IL1RAPL2: variants seen among roughly 807,000 people sequenced by gnomAD.
IL1RAPL2 encodes X-linked interleukin-1 receptor accessory protein-like 2.
In IL1RAPL2, 3 loss-of-function variants were observed where a neutral mutation model predicts 44.1. The ratio of observed to expected loss-of-function variants is 0.07; its 90% CI spans 0.03 to 0.18. IL1RAPL2 has a LOEUF of 0.18. IL1RAPL2 is among the 10% of genes least tolerant of loss of function. The pLI, the probability that IL1RAPL2 is intolerant of heterozygous loss-of-function variation, is 1.00. For synonymous variants in IL1RAPL2, 181 were observed against 178.8 expected (o/e 1.01, Z -0.10); for missense variants, 391 against 496.4 (o/e 0.79, Z 2.02).
At chrX:105,325,082 A>T (rs891244223) in intron 5 of IL1RAPL2, among the ~76,000 whole-genome samples, 27 of 111,841 alleles carry the variant, frequency 2.4e-4, no homozygotes, top group African/African-American at 8.8e-4. Context: ...TCAAGTGTAC[A>T]GTTCAGTGGG....
At chrX:105,036,272 T>C (rs960260991) in intron 2 of IL1RAPL2, among the ~76,000 whole-genome samples, 1 of 112,059 alleles carries the variant, frequency 8.9e-6, no homozygotes, top group Non-Finnish European at 1.9e-5. Flanking sequence ...GGCCATATCC[T>C]GTCATTAAGA....
intron 5 of IL1RAPL2, among the ~76,000 whole-genome samples, chrX:105,477,297 C>T (rs953157539): frequency 1.3e-4 from 14 of 111,329 alleles, no homozygotes; most frequent in Non-Finnish European, 1.3e-4. Flanking sequence ...ATCTAAATTA[C>T]GGGACTCTCA....
Position 105,112,913 on chromosome X carries a change from A to AT in IL1RAPL2, c.83-82560dup, listed in dbSNP as rs763280458. On this transcript the variant is annotated intron_variant, in intron 2 of 10. Transcript: ENST00000372582. ...CATTGTTTTCCTCTAAAGGGATCAT[A>AT]TTATCAGTGAAAGACCCTATTGGTC... Among the ~76,000 whole-genome samples the AT allele has an allele frequency of 4.4e-5, 5 of 112,802 alleles. No individual in the cohort carries two copies. In the South Asian group the frequency reaches 1.1e-3, roughly 25 times the overall value.
intron 2 of IL1RAPL2, among the ~76,000 whole-genome samples, chrX:105,060,947 G>T (rs2032068383): frequency 9.1e-6 from 1 of 110,053 alleles, no homozygotes; most frequent in Non-Finnish European, 1.9e-5. Context: ...TTTTTTCTTA[G>T]TCTGATTAAA....
rs1208902847 is a variant in IL1RAPL2, at chrX:105,518,025, T to C, written c.772+33638T>C. ...GAGAAATGCACAAATAATGAATATC[T>C]GTTGAATGAATGAAATAATGAAGAA... On this transcript the variant is annotated intron_variant, in intron 6 of 10. Transcript: ENST00000372582. Among the ~76,000 whole-genome samples, 4 of 111,163 alleles carry C rather than the reference T, an allele frequency of 3.6e-5. No individual in the cohort carries two copies. In the East Asian group the frequency reaches 1.1e-3, roughly 31 times the overall value.
chrX:104,920,625 G>C (rs987519093), intron 2 of IL1RAPL2, among the ~76,000 whole-genome samples: 3 of 105,214 alleles, frequency 2.9e-5, no homozygotes, highest in African/African-American at 1.0e-4. Context: ...CTCCCTAGAT[G>C]CCTAGCAGAT....
intron 4 of IL1RAPL2, among the ~76,000 whole-genome samples, chrX:105,266,822 A>G (rs1357600000): frequency 9.0e-6 from 1 of 111,649 alleles, no homozygotes; most frequent in Non-Finnish European, 1.9e-5. Context: ...CTCTACCCCC[A>G]CATGGATTTC....
intron 6 of IL1RAPL2, among the ~76,000 whole-genome samples, chrX:105,569,583 A>G (rs2036999886): frequency 9.0e-6 from 1 of 111,637 alleles, no homozygotes; most frequent in South Asian, 3.7e-4. Context: ...ATGGAAGCAT[A>G]TTTCAAAATG....
intron 5 of IL1RAPL2, among the ~76,000 whole-genome samples, chrX:105,419,158 C>T (rs1392100322): frequency 8.9e-6 from 1 of 111,898 alleles, no homozygotes; most frequent in Non-Finnish European, 1.9e-5. Flanking sequence ...TATCCTGAAA[C>T]AAGTTGGCCA....
At chrX:104,756,308 C>A (rs1932338799) in intron 2 of IL1RAPL2, among the ~76,000 whole-genome samples, 1 of 111,397 alleles carries the variant, frequency 9.0e-6, no homozygotes, top group South Asian at 3.7e-4. Flanking sequence ...TTTCACCCAA[C>A]TTGTTCCTTG....
intron 1 of IL1RAPL2, among the ~76,000 whole-genome samples, chrX:104,599,002 C>T (rs1602636859): frequency 9.0e-6 from 1 of 111,685 alleles, no homozygotes; most frequent in African/African-American, 3.3e-5. Flanking sequence ...GTAGATATAC[C>T]AGGCAGAAGT....
At chrX:105,765,958 C>T (rs1402745788) in intron 10 of IL1RAPL2, among the ~76,000 whole-genome samples, 2 of 112,289 alleles carry the variant, frequency 1.8e-5, no homozygotes, top group African/African-American at 6.5e-5. Flanking sequence ...TGTTCTGCTT[C>T]GTAAAGACAG....
chrX:104,697,370 T>G (rs1931199226), intron 2 of IL1RAPL2, among the ~76,000 whole-genome samples: 1 of 112,704 alleles, frequency 8.9e-6, no homozygotes, highest in South Asian at 3.6e-4. Context: ...TTTCACAGTT[T>G]TTATTCTTCA....
chrX:105,171,424 A>T (rs1310373251), intron 2 of IL1RAPL2, among the ~76,000 whole-genome samples: 1 of 110,749 alleles, frequency 9.0e-6, no homozygotes, highest in Non-Finnish European at 1.9e-5. Flanking sequence ...GTGGTAGGTG[A>T]CAGAAACAGC....
intron 5 of IL1RAPL2, among the ~76,000 whole-genome samples, chrX:105,387,060 G>A (rs1394460676): frequency 1.8e-5 from 2 of 111,243 alleles, no homozygotes; most frequent in Admixed American, 9.6e-5. Flanking sequence ...ATGCACTTAT[G>A]TGCACTTACT....
chrX:105,743,673 T>C (rs981338131), intron 8 of IL1RAPL2, among the ~76,000 whole-genome samples: 1 of 111,904 alleles, frequency 8.9e-6, no homozygotes, highest in Non-Finnish European at 1.9e-5. Context: ...CACTAAAATA[T>C]GGAATACTGG....
chrX:105,503,513 T>C (rs988252430), intron 6 of IL1RAPL2, among the ~76,000 whole-genome samples: 2 of 111,094 alleles, frequency 1.8e-5, no homozygotes, highest in African/African-American at 6.5e-5. Context: ...TACACAGCAG[T>C]TTTGATTAAA....
chrX:104,715,749 A>G (rs1931552072), intron 2 of IL1RAPL2, among the ~76,000 whole-genome samples: 1 of 110,463 alleles, frequency 9.1e-6, no homozygotes, highest in African/African-American at 3.3e-5. Flanking sequence ...GAGCTCTACA[A>G]GGAGAACTAT....
At chrX:105,480,765 G>T (rs1408390191) in intron 5 of IL1RAPL2, among the ~76,000 whole-genome samples, 1 of 111,946 alleles carries the variant, frequency 8.9e-6, no homozygotes, top group Non-Finnish European at 1.9e-5. Flanking sequence ...AAATGAGCTT[G>T]CCTCCCTGTG....
Sources: gnomAD v4.1 joint callset for allele counts (sites outside exome capture counted in the v4.1 genomes callset) on GRCh38, gnomAD v4.1.1 for gene constraint, MANE v1.5 for transcripts, NCBI Gene and HGNC (gene_info 2026-07-23, HGNC 2026-07-21) for gene names.